Variants in TTLL7 observed in about 807,000 individuals in gnomAD.
TTLL7 encodes the protein tubulin polyglutamylase TTLL7.
In TTLL7, 53 loss-of-function variants were observed where a neutral mutation model predicts 120.2. The observed-to-expected ratio is 0.44, with a 90% CI of 0.35 to 0.55. The LOEUF (loss-of-function observed/expected upper bound fraction) is 0.55, where lower values mean the gene tolerates loss of function less well. Among genes scored for constraint, TTLL7 ranks in the 20% least tolerant of loss-of-function variants. The pLI is 0.00. For missense variants in TTLL7, 803 were observed against 1,054.7 expected (o/e 0.76, Z 3.31); for synonymous variants, 353 against 351.7 (o/e 1.00, Z -0.04).
intron 18 of TTLL7, among the ~76,000 whole-genome samples, 180 bp downstream of exon 18, chr1:83,903,899 C>G (rs1192184484): frequency 2.6e-5 from 4 of 151,996 alleles, no homozygotes; most frequent in Admixed American, 1.3e-4. Flanking sequence ...TTTAAAAATT[C>G]ACTTTTGTAT....
rs1659784504 is a variant in TTLL7, at chr1:83,933,629, T to C, written c.1026A>G (p.Lys342=). The part of the protein sequence containing the change: ...VLGFDILLDR[K]LKPWLLEINR... ...TTACCTCCAGAAGCCATGGCTTTAG[T>C]TTTCTATCCAACAAAATATCAAATC... Residue 342 remains lysine (K), a synonymous_variant, in exon 9 of 21, where the codon AAA becomes AAG. Coordinates refer to ENST00000260505, the MANE Select transcript of TTLL7 (RefSeq NM_024686.6). The C allele has an allele frequency of 1.2e-6, 2 of 1,613,264 alleles. No individual in the cohort carries two copies. Among genetic ancestry groups the C allele is most frequent in the African/African-American group, 2.7e-5 (2 of 74,956 alleles).
At chr1:83,976,029 CTCTCTGTGTGTGTG>C (rs1195882814) in intron 1 of TTLL7, among the ~76,000 whole-genome samples, 4 of 63,080 alleles carry the variant, frequency 6.3e-5, no homozygotes, top group East Asian at 8.0e-4. Flanking sequence ...AATTTTGTCT[CTCTCTGTGTGTGTG>C]TGTGTGTGTG....
chr1:83,973,114 C>T (rs887716071), intron 1 of TTLL7, among the ~76,000 whole-genome samples: 1 of 151,886 alleles, frequency 6.6e-6, no homozygotes, highest in African/African-American at 2.4e-5. Context: ...ATGGATCATG[C>T]CTTTGGTGTT....
intron 1 of TTLL7, among the ~76,000 whole-genome samples, chr1:83,994,576 G>T (rs988906310): frequency 6.6e-6 from 1 of 152,226 alleles, no homozygotes; most frequent in Non-Finnish European, 1.5e-5. Flanking sequence ...AACAAGGGGA[G>T]GGGGAGCATC....
rs1652870154 is a variant in TTLL7, at chr1:83,865,735, C to T, written c.*4227G>A. On this transcript the variant is annotated 3_prime_UTR_variant, in exon 21 of 21. Coordinates refer to ENST00000260505, the MANE Select transcript of TTLL7 (RefSeq NM_024686.6). ...AGACAAACTGAACTTGATGCAACAA[C>T]ATATTTTATGTTTTATTATTGCTGA... 3 of 151,960 alleles carry T rather than the reference C, an allele frequency of 2.0e-5. No homozygotes were observed. The highest frequency in any genetic ancestry group is 4.1e-4 in the South Asian group (2 of 4,834). 9.4% of individuals were successfully genotyped at this position (151,960 alleles called of 1,614,324 possible). A position where few individuals can be genotyped will look rare whatever the true frequency, so the allele number is the denominator to read the frequency against.
At chr1:83,928,096 C>T (rs1557662948) in intron 10 of TTLL7, among the ~76,000 whole-genome samples, 1 of 152,206 alleles carries the variant, frequency 6.6e-6, no homozygotes, top group East Asian at 1.9e-4. Flanking sequence ...CACCAGAACA[C>T]CCACAGATAA....
Position 83,985,157 on chromosome 1 carries a change from C to T in TTLL7, c.-177+13774G>A, listed in dbSNP as rs191041513. ...GGGAAGACAGAAGCTGGTAGTGGCT[C>T]AGTCTGAGTCCGAAAGCTTCAAACC... On this transcript the variant is annotated intron_variant, in intron 1 of 20. Transcript: ENST00000260505. Among the ~76,000 whole-genome samples the T allele has an allele frequency of 7.0e-4, 106 of 152,240 alleles. 1 individual carries two copies. The highest frequency in any genetic ancestry group is 2.4e-3 in the African/African-American group (99 of 41,540).
At chr1:83,881,076 A>C (rs1450556592) in intron 20 of TTLL7, among the ~76,000 whole-genome samples, 1 of 150,724 alleles carries the variant, frequency 6.6e-6, no homozygotes, top group Admixed American at 6.6e-5. Flanking sequence ...CTTACACCTT[A>C]TACAAAAATT....
chr1:83,907,889 T>C (rs1657340745), intron 15 of TTLL7, among the ~76,000 whole-genome samples: 1 of 152,082 alleles, frequency 6.6e-6, no homozygotes, highest in Non-Finnish European at 1.5e-5. Context: ...CTTGTGGGAA[T>C]AATACTATCA....
intron 1 of TTLL7, among the ~76,000 whole-genome samples, chr1:83,973,427 T>C (rs1651173293): frequency 6.6e-6 from 1 of 152,216 alleles, no homozygotes; most frequent in East Asian, 1.9e-4. Flanking sequence ...TATTGATCTA[T>C]TTGTCTATTC....
At chr1:83,901,669 T>C (rs1192821270) in intron 18 of TTLL7, among the ~76,000 whole-genome samples, 2 of 151,950 alleles carry the variant, frequency 1.3e-5, no homozygotes, top group Non-Finnish European at 2.9e-5. Context: ...TCACCAGCTT[T>C]ACTACACCCT....
chr1:83,998,998 G>C lies in TTLL7; in HGVS notation c.-244C>G. 2.3e-6 allele frequency: 1 copy of C among 444,010 alleles called. No homozygotes were observed. Among genetic ancestry groups the C allele is most frequent in the Non-Finnish European group, 4.5e-6 (1 of 222,964 alleles). The allele number at this position is 444,010 out of a possible 1,614,324, so 27.5% of individuals were successfully genotyped here. A position where few individuals can be genotyped will look rare whatever the true frequency, so the allele number is the denominator to read the frequency against. On this transcript the variant is annotated 5_prime_UTR_variant, in exon 1 of 21. Transcript: ENST00000260505. ...CAAGCGGTCCCCCAGGTGCTCCCGC[G>C]CCTCGCAGCTTCCCCGTGGGCGGCC...
At chr1:83,978,036 C>T (rs1195769268) in intron 1 of TTLL7, among the ~76,000 whole-genome samples, 1 of 151,782 alleles carries the variant, frequency 6.6e-6, no homozygotes, top group Non-Finnish European at 1.5e-5. Context: ...ATAAGAATTT[C>T]TTTTAATTTT....
intron 4 of TTLL7, 186 bp from the exon 5 acceptor site, chr1:83,948,881 A>T: frequency 2.3e-6 from 1 of 427,248 alleles, no homozygotes; most frequent in Non-Finnish European, 4.1e-6. Flanking sequence ...TAATCAGAGA[A>T]TAAAACTGCA....
At chr1:83,888,712 A>G (rs1655181227) in intron 19 of TTLL7, among the ~76,000 whole-genome samples, 1 of 151,916 alleles carries the variant, frequency 6.6e-6, no homozygotes, top group Non-Finnish European at 1.5e-5. Context: ...AAAAACAATG[A>G]GTTTTTTCTG....
chr1:83,910,812 G>A (rs149652175), intron 15 of TTLL7, among the ~76,000 whole-genome samples: 73 of 152,226 alleles, frequency 4.8e-4, no homozygotes, highest in African/African-American at 1.7e-3. Flanking sequence ...GTGGGTGAAG[G>A]AAGTAGAGAG....
chr1:83,879,141 T>C (rs1329452401), intron 20 of TTLL7, among the ~76,000 whole-genome samples: 1 of 152,004 alleles, frequency 6.6e-6, no homozygotes, highest in Non-Finnish European at 1.5e-5. Context: ...TGTCAATCTA[T>C]TAATAAATAT....
intron 1 of TTLL7, among the ~76,000 whole-genome samples, chr1:83,966,691 A>G (rs1237510599): frequency 6.6e-6 from 1 of 152,138 alleles, no homozygotes; most frequent in African/African-American, 2.4e-5. Flanking sequence ...CATAATCACC[A>G]TCATATTTCT....
chr1:83,957,386 C>A (rs1649621184), intron 1 of TTLL7, among the ~76,000 whole-genome samples: 1 of 151,624 alleles, frequency 6.6e-6, no homozygotes, highest in Admixed American at 6.6e-5. Flanking sequence ...TCAAGAGGAT[C>A]CAAAAATAGG....
Sources: gnomAD v4.1 joint callset for allele counts (sites outside exome capture counted in the v4.1 genomes callset) on GRCh38, gnomAD v4.1.1 for gene constraint, MANE v1.5 for transcripts, NCBI Gene and HGNC (gene_info 2026-07-23, HGNC 2026-07-21) for gene names.